UXS1: variants seen among roughly 807,000 people sequenced by gnomAD.
UXS1 encodes the protein UDP-glucuronate decarboxylase 1.
In UXS1, 33 loss-of-function variants were observed where a neutral mutation model predicts 62.6. That is an observed-to-expected ratio of 0.53 (90% CI 0.40 to 0.70). The LOEUF is 0.70. UXS1 is among the 30% of genes least tolerant of loss of function. The pLI is 0.00. For synonymous variants in UXS1, 213 were observed against 206.8 expected (o/e 1.03, Z -0.26); for missense variants, 434 against 556.3 (o/e 0.78, Z 2.21).
intron 1 of UXS1, among the ~76,000 whole-genome samples, chr2:106,180,277 A>T (rs1473220977): frequency 2.6e-5 from 4 of 152,260 alleles, no homozygotes; most frequent in Non-Finnish European, 2.9e-5. Context: ...GCTGGAAGGG[A>T]GCGATGCTTT....
intron 5 of UXS1, among the ~76,000 whole-genome samples, chr2:106,151,333 G>T (rs780779180): frequency 9.2e-5 from 14 of 152,178 alleles, no homozygotes; most frequent in Non-Finnish European, 2.1e-4. Flanking sequence ...AAAATCATGT[G>T]CTGGAAACTT....
At chr2:106,137,302 C>A (rs1443196773) in intron 6 of UXS1, among the ~76,000 whole-genome samples, 4 of 152,194 alleles carry the variant, frequency 2.6e-5, no homozygotes, top group Non-Finnish European at 5.9e-5. Flanking sequence ...AATTCTAAGG[C>A]CAAGCTATCT....
intron 6 of UXS1, among the ~76,000 whole-genome samples, chr2:106,136,415 T>C (rs1431043173): frequency 7.1e-6 from 1 of 140,924 alleles, no homozygotes; most frequent in Admixed American, 7.2e-5. Context: ...TTACTGGGTA[T>C]ATACCCAAAT....
chr2:106,180,830 C>T (rs1170597814), intron 1 of UXS1, among the ~76,000 whole-genome samples: 2 of 152,198 alleles, frequency 1.3e-5, no homozygotes, highest in Non-Finnish European at 2.9e-5. Flanking sequence ...GTGGACTCTC[C>T]TTCCTCCTCT....
Position 106,194,256 on chromosome 2 carries a change from C to A in UXS1, c.-15G>T. 2 of 1,366,986 alleles carry A rather than the reference C, an allele frequency of 1.5e-6. No individual in the cohort carries two copies. The highest frequency in any genetic ancestry group is 1.9e-6 in the Non-Finnish European group (2 of 1,046,754). 84.7% of individuals were successfully genotyped at this position (1,366,986 alleles called of 1,614,324 possible). A position where few individuals can be genotyped will look rare whatever the true frequency, so the allele number is the denominator to read the frequency against. On this transcript the variant is annotated 5_prime_UTR_variant, in exon 1 of 15. Transcript: ENST00000283148. ...TTGCTCACCATCCCCGGGAGCCGCG[C>A]GGGTCCAGGGCCCTACCGCGCGGGG...
chr2:106,112,250 C>G (rs1678682956), intron 10 of UXS1, among the ~76,000 whole-genome samples: 1 of 152,216 alleles, frequency 6.6e-6, no homozygotes, highest in Admixed American at 6.5e-5. Flanking sequence ...GGTGACGGCC[C>G]AGCCTGACCA....
In UXS1 at chr2:106,093,471, T is replaced by A. The variant is rs1399597216; in HGVS notation, c.*555A>T. 6.6e-6 allele frequency: 1 copy of A among 151,378 alleles called. No homozygotes were observed. 9.4% of individuals were successfully genotyped at this position (151,378 alleles called of 1,614,324 possible). ...CATGACCAACAGGAATATTTCAAAG[T>A]CAAGTTTGCAACTCAAAAGTAGACC... On this transcript the variant is annotated 3_prime_UTR_variant, in exon 15 of 15. Coordinates refer to ENST00000283148, the MANE Select transcript of UXS1 (RefSeq NM_001253875.2).
intron 9 of UXS1, among the ~76,000 whole-genome samples, chr2:106,114,640 C>T (rs1383096278): frequency 6.6e-6 from 1 of 152,226 alleles, no homozygotes; most frequent in Non-Finnish European, 1.5e-5. Context: ...TCCCTTTCCA[C>T]AAAACAATAT....
chr2:106,128,638 T>C (rs1322098188), intron 7 of UXS1, among the ~76,000 whole-genome samples: 1 of 152,156 alleles, frequency 6.6e-6, no homozygotes, highest in African/African-American at 2.4e-5. Context: ...CTTGGTTCTC[T>C]TTCTTGCTTG....
intron 5 of UXS1, among the ~76,000 whole-genome samples, chr2:106,153,814 A>C (rs1288405037): frequency 6.6e-6 from 1 of 152,238 alleles, no homozygotes; most frequent in Non-Finnish European, 1.5e-5. Flanking sequence ...TTTGCCATTA[A>C]AAGTTATGGC....
Position 106,129,697 on chromosome 2 carries a change from G to A in UXS1, c.554C>T (p.Thr185Met), listed in dbSNP as rs1199800880. 5.0e-6 allele frequency: 8 copies of A among 1,611,552 alleles called. No homozygotes were observed. Among genetic ancestry groups the A allele is most frequent in the Admixed American group, 3.3e-5 (2 of 59,768 alleles). ...YNPIKTLKTN[T>M]IGTLNMLGLA... ...ACCCAACATGTTTAATGTCCCAATC[G>A]TATTGGTCTTTAATGTCTTGATAGG... The change falls in exon 7 of 15, where the codon ACG becomes ATG. Residue 185 changes from threonine (T) to methionine (M), a missense_variant. Thr to Met is a moderately conservative substitution (Grantham distance 81, BLOSUM62 -1). This residue lies in a region of UXS1 where 134 missense variants were observed against 251.9 expected (regional missense o/e 0.53). Transcript: ENST00000283148.
At position 106,145,382 on chromosome 2, in the gene UXS1, C is replaced by G; in HGVS notation, c.292-12G>C. The G allele has an allele frequency of 6.2e-7, 1 of 1,606,774 alleles. No homozygotes were observed. Among genetic ancestry groups the G allele is most frequent in the Non-Finnish European group, 8.5e-7 (1 of 1,176,146 alleles). On this transcript the variant is annotated splice_polypyrimidine_tract_variant and intron_variant, in intron 5 of 14. Coordinates refer to ENST00000283148, the MANE Select transcript of UXS1 (RefSeq NM_001253875.2). ...GCGCCTCCTGTTATCTGCATCCGGA[C>G]AGCGTGTGCAGAGCATTCCCAGAAA...
chr2:106,152,851 G>C (rs536113839), intron 5 of UXS1, among the ~76,000 whole-genome samples: 1 of 145,892 alleles, frequency 6.9e-6, no homozygotes, highest in Admixed American at 6.8e-5. Flanking sequence ...GAAGGGAGAA[G>C]TTCCATGCCA....
At chr2:106,178,162 G>A (rs529485755) in intron 1 of UXS1, among the ~76,000 whole-genome samples, 28 of 152,250 alleles carry the variant, frequency 1.8e-4, no homozygotes, top group Middle Eastern at 3.4e-3. Context: ...TGTGCCCGCC[G>A]CGTGGGGGCC....
At chr2:106,139,746 T>C (rs142466436) in intron 6 of UXS1, among the ~76,000 whole-genome samples, 153 of 152,302 alleles carry the variant, frequency 1.0e-3, no homozygotes, top group Admixed American at 2.5e-3. Flanking sequence ...GCCACACCCA[T>C]GCTGTATGAA....
chr2:106,112,810 T>G (rs1175604148), intron 9 of UXS1, 45 bp from the exon 10 acceptor site: 1 of 1,583,660 alleles, frequency 6.3e-7, no homozygotes, highest in East Asian at 2.3e-5. Flanking sequence ...CCCTGTGTGG[T>G]CCACGCATCC....
intron 9 of UXS1, among the ~76,000 whole-genome samples, chr2:106,117,343 T>A (rs1573438945): frequency 6.6e-6 from 1 of 152,220 alleles, no homozygotes; most frequent in East Asian, 1.9e-4. Flanking sequence ...AGTGTTTTAG[T>A]CTTTATTTAG....
intron 5 of UXS1, among the ~76,000 whole-genome samples, chr2:106,151,261 TAAG>T (rs749593512): frequency 1.3e-5 from 2 of 152,156 alleles, no homozygotes; most frequent in Admixed American, 6.6e-5. Context: ...ATTTTGCATG[TAAG>T]AAGGACATAA....
intron 1 of UXS1, among the ~76,000 whole-genome samples, chr2:106,173,134 A>C (rs1164859652): frequency 6.6e-6 from 1 of 152,160 alleles, no homozygotes; most frequent in Non-Finnish European, 1.5e-5. Context: ...AGCAGCAACA[A>C]TTTTGTTTTG....
Sources: allele counts gnomAD v4.1 joint callset (sites outside exome capture counted in the v4.1 genomes callset), GRCh38; gene constraint gnomAD v4.1.1; regional missense constraint gnomAD v4.1.1; transcripts MANE v1.5; gene names NCBI Gene and HGNC (gene_info 2026-07-23, HGNC 2026-07-21).